The following AKT3 variants were observed in gnomAD, a reference collection of about 807,000 sequenced individuals.
AKT3 encodes the protein RAC-gamma serine/threonine-protein kinase.
In AKT3, 15 loss-of-function variants were observed where a neutral mutation model predicts 65.3. The observed-to-expected ratio is 0.23, with a 90% CI of 0.15 to 0.35. AKT3 has a LOEUF of 0.35. Among genes scored for constraint, AKT3 ranks in the 10% least tolerant of loss-of-function variants. AKT3 has a pLI of 1.00. For synonymous variants in AKT3, 206 were observed against 183.8 expected, an observed-to-expected ratio of 1.12 and a Z score of -0.98; for missense variants, 243 against 576.5, an observed-to-expected ratio of 0.42 and a Z score of 5.92.
At chr1:243,578,856 C>T (rs1447734257) in intron 8 of AKT3, among the ~76,000 whole-genome samples, 11 of 152,198 alleles carry the variant, frequency 7.2e-5, no homozygotes, top group African/African-American at 2.2e-4. Flanking sequence ...GAGAGAAAAC[C>T]GTACCAATCT....
At chr1:243,800,797 T>A (rs1692337029) in intron 2 of AKT3, among the ~76,000 whole-genome samples, 2 of 151,988 alleles carry the variant, frequency 1.3e-5, no homozygotes, top group South Asian at 4.2e-4. Flanking sequence ...TTAGGCAAAT[T>A]AAGACAGTAT....
chr1:243,724,503 A>G (rs916675195), intron 2 of AKT3, among the ~76,000 whole-genome samples: 1 of 152,212 alleles, frequency 6.6e-6, no homozygotes, highest in Admixed American at 6.5e-5. Flanking sequence ...CCTACATTAT[A>G]AGACTTATGG....
At chr1:243,696,098 A>G (rs2148026655) in intron 2 of AKT3, among the ~76,000 whole-genome samples, 1 of 151,892 alleles carries the variant, frequency 6.6e-6, no homozygotes, top group East Asian at 1.9e-4. Context: ...AAAAACATTT[A>G]TCATAAGAGA....
At chr1:243,665,173 A>C (rs1178420660) in intron 3 of AKT3, among the ~76,000 whole-genome samples, 1 of 152,182 alleles carries the variant, frequency 6.6e-6, no homozygotes, top group Non-Finnish European at 1.5e-5. Context: ...TATCTGAAAT[A>C]CTTTCCTCAC....
At chr1:243,766,828 C>T (rs1274930256) in intron 2 of AKT3, among the ~76,000 whole-genome samples, 1 of 152,052 alleles carries the variant, frequency 6.6e-6, no homozygotes. Context: ...GATAATAGCA[C>T]GTGCACAGGG....
chr1:243,689,036 C>T (rs1009579674), intron 3 of AKT3, among the ~76,000 whole-genome samples: 4 of 152,166 alleles, frequency 2.6e-5, no homozygotes, highest in Non-Finnish European at 4.4e-5. Flanking sequence ...GTCAACCTCG[C>T]CAACACTTAC....
intron 2 of AKT3, among the ~76,000 whole-genome samples, chr1:243,771,306 C>A (rs1002632389): frequency 1.3e-5 from 2 of 152,034 alleles, no homozygotes; most frequent in Non-Finnish European, 2.9e-5. Context: ...TCATGTTTGC[C>A]TCCCTCCTAA....
chr1:243,782,846 T>C (rs1199855166), intron 2 of AKT3, among the ~76,000 whole-genome samples: 1 of 152,166 alleles, frequency 6.6e-6, no homozygotes, highest in Non-Finnish European at 1.5e-5. Flanking sequence ...GAAAGAACTT[T>C]AGGTATTTTA....
chr1:243,592,475 A>G (rs779981396), intron 8 of AKT3, among the ~76,000 whole-genome samples: 2 of 152,256 alleles, frequency 1.3e-5, no homozygotes, highest in Non-Finnish European at 2.9e-5. Context: ...GACCACAGAA[A>G]AAAAGACACA....
intron 9 of AKT3, among the ~76,000 whole-genome samples, chr1:243,566,573 T>C (rs1008109627): frequency 3.3e-5 from 5 of 152,146 alleles, no homozygotes; most frequent in African/African-American, 9.7e-5. Context: ...TGGGAGGCAG[T>C]AGAGAGCAAA....
At chr1:243,577,090 T>G (rs989989996) in intron 8 of AKT3, among the ~76,000 whole-genome samples, 3 of 152,166 alleles carry the variant, frequency 2.0e-5, no homozygotes, top group African/African-American at 7.2e-5. Context: ...TACAACTATT[T>G]GATTTTTAAC....
intron 3 of AKT3, among the ~76,000 whole-genome samples, chr1:243,681,348 T>C (rs1369576569): frequency 1.3e-5 from 2 of 152,174 alleles, no homozygotes; most frequent in Admixed American, 6.5e-5. Context: ...GAAATAATTA[T>C]CTGCTGCTGA....
chr1:243,826,193 T>C (rs189156579), intron 2 of AKT3, among the ~76,000 whole-genome samples: 126 of 152,248 alleles, frequency 8.3e-4, no homozygotes, highest in Non-Finnish European at 1.3e-3. Context: ...ACAAAATGGC[T>C]ACATTTCAGA....
At position 243,550,958 on chromosome 1, in the gene AKT3, CAA is replaced by C. The variant is rs60047036; in HGVS notation, c.1163+1769_1163+1770del. Among the ~76,000 whole-genome samples the C allele has an allele frequency of 2.9e-4, 5 of 17,536 alleles. No individual in the cohort carries two copies. In the South Asian group the frequency reaches 0.014, roughly 50 times the overall value. 11.5% of individuals were successfully genotyped at this position (17,536 alleles called of 152,430 possible). ...CAGACAACAGAGCGAGACTCCCTCTCAAAAAAAAAAAAAAAAAAAAAAAAAAA... is the reference window on the plus strand; with the variant it reads ...CAGACAACAGAGCGAGACTCCCTCTCAAAAAAAAAAAAAAAAAAAAAAAAA... On this transcript the variant is annotated intron_variant, in intron 11 of 13. Coordinates refer to ENST00000673466, the MANE Select transcript of AKT3 (RefSeq NM_005465.7).
At chr1:243,844,903 T>C (rs1695446587) in intron 1 of AKT3, among the ~76,000 whole-genome samples, 1 of 152,158 alleles carries the variant, frequency 6.6e-6, no homozygotes, top group African/African-American at 2.4e-5. Flanking sequence ...ATAAAATTAG[T>C]AAATCCATTT....
At chr1:243,647,328 C>T (rs1464226976) in intron 4 of AKT3, among the ~76,000 whole-genome samples, 1 of 152,230 alleles carries the variant, frequency 6.6e-6, no homozygotes, top group Non-Finnish European at 1.5e-5. Flanking sequence ...CATTGCATTA[C>T]AATTGTCTAT....
At chr1:243,768,906 T>G (rs1186811775) in intron 2 of AKT3, among the ~76,000 whole-genome samples, 2 of 151,948 alleles carry the variant, frequency 1.3e-5, no homozygotes, top group Non-Finnish European at 2.9e-5. Context: ...AAGCCATAGT[T>G]TTTATTACAT....
intron 4 of AKT3, among the ~76,000 whole-genome samples, chr1:243,656,307 CAACT>C (rs919656688): frequency 1.3e-5 from 2 of 151,932 alleles, no homozygotes; most frequent in African/African-American, 4.8e-5. Flanking sequence ...CAATTTTCAC[CAACT>C]GATTAGTTAC....
At chr1:243,515,482 C>T (rs1210197951) in intron 12 of AKT3, among the ~76,000 whole-genome samples, 2 of 148,388 alleles carry the variant, frequency 1.3e-5, no homozygotes, top group Non-Finnish European at 3.0e-5. Flanking sequence ...TTAGTTTTTT[C>T]TTTGCATCAT....
Sources: allele counts gnomAD v4.1 joint callset (sites outside exome capture counted in the v4.1 genomes callset), GRCh38; gene constraint gnomAD v4.1.1; transcripts MANE v1.5; gene names NCBI Gene and HGNC (gene_info 2026-07-23, HGNC 2026-07-21).